Variants in SYNPR observed in about 807,000 individuals in gnomAD.
SYNPR encodes the protein synaptoporin.
A neutral mutation model predicts 32.9 loss-of-function variants in SYNPR; 23 were observed. That is an observed-to-expected ratio of 0.70 (90% CI 0.50 to 0.99). The LOEUF is 0.99. Among genes scored for constraint, SYNPR ranks in the 50% least tolerant of loss-of-function variants. SYNPR has a pLI of 0.00. For synonymous variants in SYNPR, 146 were observed against 135.9 expected, an observed-to-expected ratio of 1.07 and a Z score of -0.52; for missense variants, 318 against 349.3, an observed-to-expected ratio of 0.91 and a Z score of 0.71.
chr3:63,609,788 T>TA (rs1380452266), intron 5 of SYNPR, among the ~76,000 whole-genome samples: 1 of 152,054 alleles, frequency 6.6e-6, no homozygotes, highest in Non-Finnish European at 1.5e-5. Flanking sequence ...CTCATGCCTA[T>TA]AGTCCCAGCT....
chr3:63,498,428 CA>C (rs1455135327), intron 3 of SYNPR, among the ~76,000 whole-genome samples: 2 of 152,058 alleles, frequency 1.3e-5, no homozygotes, highest in Non-Finnish European at 2.9e-5. Flanking sequence ...AGAAAATAAA[CA>C]AGCAAACGAG....
intron 2 of SYNPR, among the ~76,000 whole-genome samples, chr3:63,479,425 A>C (rs1700997905): frequency 7.6e-6 from 1 of 131,764 alleles, no homozygotes; most frequent in African/African-American, 2.8e-5. Context: ...AAAACTAGTC[A>C]CTTAAAACTG....
chr3:63,303,413 T>G (rs536808183), intron 2 of SYNPR, among the ~76,000 whole-genome samples: 2 of 152,064 alleles, frequency 1.3e-5, no homozygotes, highest in Non-Finnish European at 2.9e-5. Flanking sequence ...CAGGGTATTA[T>G]CTCTAAAATG....
chr3:63,595,741 A>AATTT (rs1344247997), intron 4 of SYNPR, among the ~76,000 whole-genome samples: 2 of 46,030 alleles, frequency 4.3e-5, no homozygotes, highest in African/African-American at 4.3e-4. Flanking sequence ...ATATATATAT[A>AATTT]TATATATATA....
At chr3:63,610,483 A>G in intron 5 of SYNPR, 1 of 698,824 alleles carries the variant, frequency 1.4e-6, no homozygotes, top group Non-Finnish European at 2.6e-6. Context: ...GCTTTCTGAA[A>G]TTCAATCTGC....
intron 2 of SYNPR, among the ~76,000 whole-genome samples, chr3:63,320,243 G>C (rs2106966754): frequency 6.6e-6 from 1 of 152,138 alleles, no homozygotes; most frequent in East Asian, 1.9e-4. Context: ...GAGCCACCAT[G>C]CCTGGCCTAC....
chr3:63,605,801 C>T (rs1700109547), intron 4 of SYNPR, among the ~76,000 whole-genome samples: 2 of 152,120 alleles, frequency 1.3e-5, no homozygotes, highest in Non-Finnish European at 2.9e-5. Context: ...GATGGGAGTG[C>T]CCAGGTTAAA....
intron 4 of SYNPR, among the ~76,000 whole-genome samples, chr3:63,576,501 G>C (rs551785149): frequency 6.6e-6 from 1 of 151,992 alleles, no homozygotes; most frequent in East Asian, 1.9e-4. Context: ...TAGAAAACAC[G>C]TTATCTGGGG....
intron 2 of SYNPR, among the ~76,000 whole-genome samples, chr3:63,375,023 T>C (rs1330988049): frequency 6.6e-6 from 1 of 152,166 alleles, no homozygotes; most frequent in African/African-American, 2.4e-5. Context: ...CACAATGAGA[T>C]ACCATCTCAC....
At position 63,576,566 on chromosome 3, in the gene SYNPR, C is replaced by T. The variant is rs556900540; in HGVS notation, c.408+19825C>T. Among the ~76,000 whole-genome samples the T allele has an allele frequency of 8.6e-5, 13 of 151,978 alleles. No individual in the cohort carries two copies. The East Asian group carries it at 9.7e-4, about 11-fold the overall frequency. On this transcript the variant is annotated intron_variant, in intron 4 of 5. Transcript: ENST00000478300. ...CAACACTTTGGGAGGCTGAGGCAGG[C>T]GGATCACGAGGTCAGGAGATCGAGA... is the stretch of plus-strand genomic sequence containing the variant.
chr3:63,611,385 A>G (rs1700194418), intron 5 of SYNPR, among the ~76,000 whole-genome samples: 1 of 152,220 alleles, frequency 6.6e-6, no homozygotes, highest in Non-Finnish European at 1.5e-5. Context: ...CTCTGCAAAG[A>G]AAATCAGATT....
chr3:63,509,066 A>G (rs929526892), intron 3 of SYNPR, among the ~76,000 whole-genome samples: 8 of 151,872 alleles, frequency 5.3e-5, no homozygotes, highest in African/African-American at 1.9e-4. Context: ...TTCTTCCAAG[A>G]TCAGCTGTAT....
At chr3:63,222,085 G>T in the SYNPR span, among the ~76,000 whole-genome samples, 2 of 133,718 alleles carry the variant, frequency 1.5e-5, no homozygotes, top group Non-Finnish European at 3.1e-5. Flanking sequence ...AGGTTTAACG[G>T]CAAGTGATGT....
At chr3:63,577,022 G>A (rs1357409664) in intron 4 of SYNPR, among the ~76,000 whole-genome samples, 4 of 151,952 alleles carry the variant, frequency 2.6e-5, no homozygotes, top group Non-Finnish European at 4.4e-5. Context: ...ACTGTGAGGG[G>A]GCAAATCTCA....
chr3:63,211,525 T>C, the SYNPR span, among the ~76,000 whole-genome samples: 1 of 152,194 alleles, frequency 6.6e-6, no homozygotes, highest in South Asian at 2.1e-4. Flanking sequence ...GCTATTATTT[T>C]GTTATAAAGT....
chr3:63,440,623 A>T (rs1211645574), intron 2 of SYNPR, among the ~76,000 whole-genome samples: 1 of 152,190 alleles, frequency 6.6e-6, no homozygotes, highest in East Asian at 1.9e-4. Context: ...AGCTAACCCA[A>T]CCAGCAGATT....
chr3:63,537,947 C>T (rs543607611), intron 3 of SYNPR, among the ~76,000 whole-genome samples: 1 of 152,134 alleles, frequency 6.6e-6, no homozygotes, highest in African/African-American at 2.4e-5. Flanking sequence ...CCCTGGTTGT[C>T]AATAAACCTG....
At chr3:63,388,379 CTTTTTTTTTTTTTT>C (rs144044254) in intron 2 of SYNPR, among the ~76,000 whole-genome samples, 9 of 83,596 alleles carry the variant, frequency 1.1e-4, no homozygotes, top group African/African-American at 4.0e-4. Context: ...GTTTGGAGCT[CTTTTTTTTTTTTTT>C]TTTTTTTTTT....
At position 63,481,449 on chromosome 3, in the gene SYNPR, A is replaced by ATG. The variant is rs200642486; in HGVS notation, c.209+494_209+495insGT. 9.2e-3 allele frequency among the ~76,000 whole-genome samples: 1,365 copies of ATG among 148,026 alleles called. 20 individuals carry two copies. The highest frequency in any genetic ancestry group is 0.03 in the African/African-American group (1,180 of 39,670). On this transcript the variant is annotated intron_variant, in intron 3 of 5. Transcript: ENST00000478300. ...ATATATTAAGTGTATATATATATAT[A>ATG]TATGTGTGTGTGTGTGTGTGTGTAT...
Sources: allele counts gnomAD v4.1 joint callset (sites outside exome capture counted in the v4.1 genomes callset), GRCh38; gene constraint gnomAD v4.1.1; transcripts MANE v1.5; gene names NCBI Gene and HGNC (gene_info 2026-07-23, HGNC 2026-07-21).